The following NIN variants were observed in gnomAD, a reference collection of about 807,000 sequenced individuals.
NIN encodes the protein glycogen synthase kinase 3 beta-interacting protein.
A neutral mutation model predicts 257.6 loss-of-function variants in NIN; 137 were observed. The ratio of observed to expected loss-of-function variants is 0.53; its 90% CI spans 0.46 to 0.61. The LOEUF (loss-of-function observed/expected upper bound fraction) is 0.61, where lower values mean the gene tolerates loss of function less well. Among genes scored for constraint, NIN ranks in the 20% least tolerant of loss-of-function variants. The pLI is 0.00. For missense variants in NIN, 2,439 were observed against 2,501.2 expected (o/e 0.98, Z 0.53); for synonymous variants, 918 against 919.8 (o/e 1.00, Z 0.04).
chr14:50,761,085 C>T (rs2042256925), intron 16 of NIN, among the ~76,000 whole-genome samples: 1 of 151,956 alleles, frequency 6.6e-6, no homozygotes, highest in African/African-American at 2.4e-5. Flanking sequence ...AGAAACCAGT[C>T]TAGACATGGA....
intron 4 of NIN, among the ~76,000 whole-genome samples, chr14:50,799,143 T>C (rs1595892291): frequency 6.6e-6 from 1 of 152,276 alleles, no homozygotes; most frequent in Non-Finnish European, 1.5e-5. Context: ...ACACTTTCCA[T>C]GGGAAAGAGC....
intron 3 of NIN, among the ~76,000 whole-genome samples, chr14:50,818,748 C>T (rs1341895647): frequency 6.6e-6 from 1 of 152,192 alleles, no homozygotes; most frequent in African/African-American, 2.4e-5. Context: ...ACAGTAACCA[C>T]CTTGCTCAGG....
intron 3 of NIN, among the ~76,000 whole-genome samples, chr14:50,820,945 A>G (rs1247926699): frequency 1.3e-5 from 2 of 152,222 alleles, no homozygotes; most frequent in African/African-American, 4.8e-5. Flanking sequence ...TGAAAATGAA[A>G]TGAAGAAAAG....
chr14:50,760,734 G>A (rs1044878480), intron 16 of NIN, among the ~76,000 whole-genome samples: 7 of 152,060 alleles, frequency 4.6e-5, no homozygotes, highest in African/African-American at 1.4e-4. Flanking sequence ...GTGCAGTGGC[G>A]TAATTATGGC....
At chr14:50,793,679 A>T (rs993308832) in intron 4 of NIN, among the ~76,000 whole-genome samples, 1 of 152,144 alleles carries the variant, frequency 6.6e-6, no homozygotes, top group African/African-American at 2.4e-5. Flanking sequence ...AACACTGACC[A>T]CCTTCCCCGT....
chr14:50,754,425 T>A, intron 20 of NIN, 138 bp downstream of exon 20: 1 of 698,774 alleles, frequency 1.4e-6, no homozygotes, highest in South Asian at 1.8e-5. Flanking sequence ...TAAGTTTCCA[T>A]TTTCAAATTC....
At position 50,721,883 on chromosome 14, in the gene NIN, T is replaced by C. The variant is rs1033391770; in HGVS notation, c.*1580A>G. 2 of 224,192 alleles carry C rather than the reference T, an allele frequency of 8.9e-6. No individual in the cohort carries two copies. Among genetic ancestry groups the C allele is most frequent in the Non-Finnish European group, 1.8e-5 (2 of 112,338 alleles). The allele number at this position is 224,192 out of a possible 1,614,324, so 13.9% of individuals were successfully genotyped here. A position where few individuals can be genotyped will look rare whatever the true frequency, so the allele number is the denominator to read the frequency against. On this transcript the variant is annotated 3_prime_UTR_variant, in exon 31 of 31. Coordinates refer to ENST00000530997, the MANE Select transcript of NIN (RefSeq NM_020921.4). ...GCCCCCAAGAAACCCTGAAGTTCCC[T>C]GATGGAAATTATTTTGTTGAGATTG...
intron 30 of NIN, chr14:50,723,921 T>A (rs2040322231): frequency 4.8e-6 from 2 of 418,032 alleles, no homozygotes; most frequent in Non-Finnish European, 8.5e-6. Context: ...CAGATTGATA[T>A]TAGATGGCAC....
intron 27 of NIN, among the ~76,000 whole-genome samples, chr14:50,737,408 G>A (rs553397695): frequency 6.8e-6 from 1 of 146,548 alleles, no homozygotes; most frequent in Non-Finnish European, 1.5e-5. Flanking sequence ...CCTCATGAGA[G>A]CCCTGAGTTG....
At chr14:50,793,075 A>T (rs1363803411) in intron 4 of NIN, among the ~76,000 whole-genome samples, 194 bp from the exon 5 acceptor site, 1 of 152,144 alleles carries the variant, frequency 6.6e-6, no homozygotes, top group African/African-American at 2.4e-5. Flanking sequence ...TGAACGATTT[A>T]TGGGACCGTG....
At chr14:50,736,976 T>C (rs1424114617) in intron 27 of NIN, among the ~76,000 whole-genome samples, 2 of 152,156 alleles carry the variant, frequency 1.3e-5, no homozygotes, top group Non-Finnish European at 2.9e-5. Context: ...AGCAAACTGA[T>C]TGGCACTGCA....
chr14:50,735,213 A>G (rs1055293090), intron 28 of NIN, among the ~76,000 whole-genome samples: 3 of 152,294 alleles, frequency 2.0e-5, no homozygotes, highest in Admixed American at 6.5e-5. Flanking sequence ...GGTGATGGCA[A>G]GAGTGCTCAG....
At chr14:50,726,713 G>T (rs2040424965) in intron 29 of NIN, among the ~76,000 whole-genome samples, 1 of 152,176 alleles carries the variant, frequency 6.6e-6, no homozygotes, top group Admixed American at 6.5e-5. Flanking sequence ...CAACGGTGAT[G>T]GGTTAAGGAG....
intron 29 of NIN, among the ~76,000 whole-genome samples, chr14:50,727,959 A>T (rs370899295): frequency 6.6e-6 from 1 of 152,332 alleles, no homozygotes; most frequent in African/African-American, 2.4e-5. Context: ...CTGCATTCTT[A>T]AAATTAGTGT....
Position 50,757,960 on chromosome 14 carries a change from G to A in NIN, c.3070C>T (p.Gln1024Ter). The A allele has an allele frequency of 6.2e-7, 1 of 1,614,160 alleles. No homozygotes were observed. Among genetic ancestry groups the A allele is most frequent in the East Asian group, 2.2e-5 (1 of 44,878 alleles). ...RLQSKIKEMQ[Q>*]ATSPLSMLQS... ...AGCATTGAGAGAGGAGATGTTGCCT[G>A]CTGCATTTCCTTTATTTTACTCTGA... The change falls in exon 18 of 31, where the codon CAG becomes TAG. Residue 1024 changes from glutamine to a stop codon, truncating the protein, a stop_gained. Transcript: ENST00000530997. LOFTEE classifies it high-confidence loss of function.
intron 4 of NIN, among the ~76,000 whole-genome samples, chr14:50,799,074 T>C (rs1595892106): frequency 1.3e-5 from 2 of 152,148 alleles, no homozygotes; most frequent in African/African-American, 2.4e-5. Context: ...ATAATAACCA[T>C]AGTCACATTT....
intron 28 of NIN, among the ~76,000 whole-genome samples, chr14:50,734,307 G>A (rs1207130557): frequency 1.3e-5 from 2 of 151,996 alleles, no homozygotes; most frequent in Non-Finnish European, 2.9e-5. Context: ...GGCCAGGCTG[G>A]TCTCGAACTC....
chr14:50,782,939 A>C (rs2043191468), intron 5 of NIN, among the ~76,000 whole-genome samples: 1 of 131,624 alleles, frequency 7.6e-6, no homozygotes, highest in Non-Finnish European at 1.6e-5. Context: ...TCTCAAACAG[A>C]CATTCTTGAG....
At chr14:50,769,097 A>C (rs2042621486) in intron 12 of NIN, among the ~76,000 whole-genome samples, 1 of 152,256 alleles carries the variant, frequency 6.6e-6, no homozygotes, top group African/African-American at 2.4e-5. Context: ...GAGTATCAAG[A>C]ACCTTTTGCG....
Sources: allele counts gnomAD v4.1 joint callset (sites outside exome capture counted in the v4.1 genomes callset), GRCh38; gene constraint gnomAD v4.1.1; transcripts MANE v1.5; gene names NCBI Gene and HGNC (gene_info 2026-07-23, HGNC 2026-07-21).